Variants in KIZ observed in about 807,000 individuals in gnomAD.
KIZ encodes kizuna centrosomal protein.
KIZ carries 68 observed loss-of-function variants against 79.6 expected under a neutral mutation model. That is an observed-to-expected ratio of 0.85 (90% CI 0.70 to 1.05). The LOEUF (loss-of-function observed/expected upper bound fraction) is 1.05. Ranked by LOEUF, KIZ falls within the 50% of genes least tolerant of loss-of-function variation. KIZ has a pLI of 0.00. For missense variants in KIZ, 797 were observed against 800.4 expected, an observed-to-expected ratio of 1.00 and a Z score of 0.05; for synonymous variants, 280 against 281.8, an observed-to-expected ratio of 0.99 and a Z score of 0.06.
intron 4 of KIZ, chr20:21,154,117 C>A: frequency 6.6e-6 from 1 of 152,080 alleles, no homozygotes; most frequent in East Asian, 1.9e-4. Flanking sequence ...AATAATTGTA[C>A]CATGTGAGAA....
chr20:21,133,024 C>T (rs968053078), intron 2 of KIZ: 1 of 152,196 alleles, frequency 6.6e-6, no homozygotes, highest in Admixed American at 6.5e-5. Context: ...AAAAACTGAA[C>T]TTTATCCTTA....
At chr20:21,189,892 C>G (rs1289482206) in intron 6 of KIZ, among the ~76,000 whole-genome samples, 2 of 152,150 alleles carry the variant, frequency 1.3e-5, no homozygotes, top group African/African-American at 2.4e-5. Flanking sequence ...GCATTGTGCT[C>G]CCTTCAAGTG....
rs1600643183 is a variant in KIZ, at chr20:21,246,580, G to C, written c.*4G>C. 1.3e-6 allele frequency: 2 copies of C among 1,554,636 alleles called. No individual in the cohort carries two copies. Among genetic ancestry groups the C allele is most frequent in the East Asian group, 4.5e-5 (2 of 44,568 alleles). On this transcript the variant is annotated 3_prime_UTR_variant, in exon 13 of 13. Transcript: ENST00000619189. ...TTCTGATGATTTTTATGACTAACGT[G>C]CTGTGACATTGGTTTCAAATAAAGT...
rs928641010 is a variant in KIZ at position 21,246,414 on chromosome 20, G to A, written c.1925-65G>A. 3.6e-5 allele frequency: 34 copies of A among 944,732 alleles called. No homozygotes were observed. In the African/African-American group the frequency reaches 4.8e-4, roughly 13 times the overall value. The allele number at this position is 944,732 out of a possible 1,614,324, so 58.5% of individuals were successfully genotyped here. A position where few individuals can be genotyped will look rare whatever the true frequency, so the allele number is the denominator to read the frequency against. The stretch of plus-strand genomic sequence containing the variant: ...TGCTTAACCAGTCCTTCCGTGCTGT[G>A]CTGTTTTGTAAGCTCTTAACCAGAA... On this transcript the variant is annotated intron_variant, in intron 12 of 12. Transcript: ENST00000619189.
At chr20:21,156,676 G>C (rs1179826526) in intron 4 of KIZ, among the ~76,000 whole-genome samples, 2 of 152,150 alleles carry the variant, frequency 1.3e-5, no homozygotes, top group East Asian at 3.8e-4. Flanking sequence ...TAAATTTTCT[G>C]ATTCTGATCA....
chr20:21,190,991 G>A (rs768679556), intron 6 of KIZ, among the ~76,000 whole-genome samples: 6 of 152,124 alleles, frequency 3.9e-5, no homozygotes, highest in Admixed American at 6.5e-5. Flanking sequence ...GGACAGGGAG[G>A]GAAACTAGCA....
intron 2 of KIZ, among the ~76,000 whole-genome samples, chr20:21,132,361 C>T (rs963388151): frequency 3.9e-5 from 6 of 152,106 alleles, no homozygotes; most frequent in African/African-American, 1.4e-4. Context: ...TAACCTCTGC[C>T]TCCCAGGTTC....
intron 9 of KIZ, among the ~76,000 whole-genome samples, chr20:21,222,932 A>G (rs914474979): frequency 6.6e-6 from 1 of 152,224 alleles, no homozygotes; most frequent in Non-Finnish European, 1.5e-5. Flanking sequence ...GAGGGGAACA[A>G]CATTATTCAA....
At chr20:21,204,086 C>G (rs1234093725) in intron 6 of KIZ, among the ~76,000 whole-genome samples, 1 of 149,804 alleles carries the variant, frequency 6.7e-6, no homozygotes, top group African/African-American at 2.5e-5. Flanking sequence ...GCAGCACAAT[C>G]CCCTTAAGAG....
At chr20:21,233,932 G>A (rs540354454) in intron 11 of KIZ, among the ~76,000 whole-genome samples, 1 of 152,180 alleles carries the variant, frequency 6.6e-6, no homozygotes, top group South Asian at 2.1e-4. Flanking sequence ...GAAGGAAGTG[G>A]GAGGTAAATG....
At chr20:21,130,142 C>T (rs185718066) in intron 1 of KIZ, among the ~76,000 whole-genome samples, 98 of 152,224 alleles carry the variant, frequency 6.4e-4, no homozygotes, top group African/African-American at 2.3e-3. Context: ...ACCTGCAAAC[C>T]GCGGTTGCAT....
chr20:21,208,456 C>A (rs2035930575), intron 7 of KIZ, among the ~76,000 whole-genome samples: 1 of 152,184 alleles, frequency 6.6e-6, no homozygotes. Flanking sequence ...GTAATCCCAG[C>A]ACTTTGGGAG....
At chr20:21,128,481 TTCTC>T (rs2031626616) in intron 1 of KIZ, among the ~76,000 whole-genome samples, 1 of 152,322 alleles carries the variant, frequency 6.6e-6, no homozygotes, top group African/African-American at 2.4e-5. Context: ...AACTCCCTCT[TTCTC>T]AGCCCTTTTA....
chr20:21,217,580 T>C (rs2036343990), intron 9 of KIZ, among the ~76,000 whole-genome samples: 1 of 152,192 alleles, frequency 6.6e-6, no homozygotes, highest in African/African-American at 2.4e-5. Context: ...AATGTAGCAG[T>C]TGGGCTGGGG....
chr20:21,140,663 C>A (rs1418670325), intron 3 of KIZ, among the ~76,000 whole-genome samples: 1 of 151,892 alleles, frequency 6.6e-6, no homozygotes, highest in African/African-American at 2.4e-5. Context: ...GATAAAGGGG[C>A]TGAATAAACA....
intron 1 of KIZ, among the ~76,000 whole-genome samples, chr20:21,129,639 A>G (rs2122275630): frequency 6.6e-6 from 1 of 152,012 alleles, no homozygotes; most frequent in East Asian, 1.9e-4. Context: ...GGAAACTGAA[A>G]CAGAATCCCT....
At chr20:21,183,847 C>G (rs186151158) in intron 6 of KIZ, among the ~76,000 whole-genome samples, 322 of 152,316 alleles carry the variant, frequency 2.1e-3, no homozygotes, top group African/African-American at 7.6e-3. Context: ...TCTGACTTCT[C>G]TGTTTCCCTC....
At position 21,246,530 on chromosome 20, in the gene KIZ, G is replaced by C. The variant is rs754804435; in HGVS notation, c.1976G>C (p.Arg659Pro). The change falls in exon 13 of 13, where the codon CGC becomes CCC. Residue 659 changes from arginine to proline, a missense_variant. Coordinates refer to ENST00000619189, the MANE Select transcript of KIZ (RefSeq NM_018474.6). ...DSNSEIEAAL[R>P]PRNHNTDDSD... ...AACTCAGAAATTGAGGCTGCTTTAC[G>C]CCCCAGAAACCATAACACCGATGAT... The C allele has an allele frequency of 6.2e-7, 1 of 1,612,202 alleles. No individual in the cohort carries two copies. The highest frequency in any genetic ancestry group is 8.5e-7 in the Non-Finnish European group (1 of 1,178,516).
intron 3 of KIZ, 94 bp downstream of exon 3, chr20:21,136,646 T>C: frequency 1.1e-6 from 1 of 894,634 alleles, no homozygotes; most frequent in Non-Finnish European, 1.6e-6. Context: ...TTACCCAGGC[T>C]AGACTTGAAC....
Sources: gnomAD v4.1 joint callset for allele counts (sites outside exome capture counted in the v4.1 genomes callset) on GRCh38, gnomAD v4.1.1 for gene constraint, MANE v1.5 for transcripts, NCBI Gene and HGNC (gene_info 2026-07-23, HGNC 2026-07-21) for gene names.